The following CFI variants were observed in gnomAD, a reference collection of about 807,000 sequenced individuals.
The protein encoded by CFI is complement factor I, also known as C3B/C4B inactivator.
CFI carries 66 observed loss-of-function variants against 78.8 expected under a neutral mutation model. The observed-to-expected ratio is 0.84, with a 90% CI of 0.69 to 1.03. The LOEUF is 1.03. CFI is among the 50% of genes least tolerant of loss of function. The probability of loss-of-function intolerance (pLI) is 0.00; values close to 1 mark genes in which losing one functional copy is unlikely to be tolerated. For missense variants in CFI, 706 were observed against 704.5 expected (o/e 1.00, Z -0.02); for synonymous variants, 250 against 232.6 (o/e 1.07, Z -0.68).
In CFI at chr4:109,752,501, C is replaced by A; in HGVS notation, c.907G>T (p.Glu303Ter). The A allele has an allele frequency of 6.2e-7, 1 of 1,612,366 alleles. No individual in the cohort carries two copies. The highest frequency in any genetic ancestry group is 8.5e-7 in the Non-Finnish European group (1 of 1,178,836). The change falls in exon 8 of 13, where the codon GAA (glutamate) becomes TAA (stop). Residue 303 changes from glutamate to a stop codon, truncating the protein, a stop_gained and splice_region_variant. Transcript: ENST00000394634. LOFTEE classifies it high-confidence loss of function. ...CAGFASVTQE[E>*]TEILTADMDA... Reference sequence around the variant, plus strand: ...ATGTCAGCAGTCAAAATTTCTGTTTCTTCTATGATAAAACAAAAGATTCCA... The same window carrying A: ...ATGTCAGCAGTCAAAATTTCTGTTTATTCTATGATAAAACAAAAGATTCCA...
chr4:109,781,480 G>C (rs1254463590), intron 1 of CFI, among the ~76,000 whole-genome samples: 2 of 152,060 alleles, frequency 1.3e-5, no homozygotes, highest in Non-Finnish European at 2.9e-5. Context: ...ACCCTGAACA[G>C]ACCAATAACA....
In CFI at chr4:109,755,091, T is replaced by G. The variant is rs1007517598; in HGVS notation, c.905-2588A>C. ...ACCCTTGCAAATCAGTAAGAAAGAT[T>G]ACAATGAAAGAAATATAAAATTGAG... On this transcript the variant is annotated intron_variant, in intron 7 of 12. Coordinates refer to ENST00000394634, the MANE Select transcript of CFI (RefSeq NM_000204.5). 2.6e-5 allele frequency among the ~76,000 whole-genome samples: 4 copies of G among 152,052 alleles called. 1 individual carries two copies. The highest frequency in any genetic ancestry group is 9.7e-5 in the African/African-American group (4 of 41,408).
At chr4:109,799,663 T>G (rs570047485) in intron 1 of CFI, among the ~76,000 whole-genome samples, 4 of 152,364 alleles carry the variant, frequency 2.6e-5, no homozygotes, top group African/African-American at 9.6e-5. Context: ...TAGGATAATA[T>G]TCTGCATAGT....
intron 1 of CFI, 73 bp downstream of exon 1, chr4:109,801,842 A>G: frequency 1.0e-6 from 1 of 988,188 alleles, no homozygotes; most frequent in Non-Finnish European, 1.6e-6. Flanking sequence ...TATATATTTA[A>G]GATTATTTTC....
chr4:109,785,356 C>T (rs1458946602), intron 1 of CFI, among the ~76,000 whole-genome samples: 2 of 151,950 alleles, frequency 1.3e-5, no homozygotes, highest in Non-Finnish European at 2.9e-5. Flanking sequence ...GAGTAGTAGT[C>T]AAAATTGTTG....
Position 109,799,824 on chromosome 4 carries a change from A to C in CFI, c.57+2091T>G, listed in dbSNP as rs114456542. ...AATTTGTTGTTATTGTGTTAAGGCT[A>C]TTTTATGTACTCAGATATCCTTCAA... On this transcript the variant is annotated intron_variant, in intron 1 of 12. Transcript: ENST00000394634. Among the ~76,000 whole-genome samples the C allele has an allele frequency of 6.3e-3, 966 of 152,326 alleles. 10 individuals carry two copies. Among genetic ancestry groups the C allele is most frequent in the African/African-American group, 0.022 (898 of 41,582 alleles).
chr4:109,743,301 A>C (rs1034363029), intron 11 of CFI, among the ~76,000 whole-genome samples: 4 of 152,084 alleles, frequency 2.6e-5, no homozygotes, highest in African/African-American at 9.7e-5. Context: ...GTAATTTCTT[A>C]TTTCCTCTAA....
At chr4:109,732,787 G>A in the CFI span, among the ~76,000 whole-genome samples, 3 of 150,980 alleles carry the variant, frequency 2.0e-5, no homozygotes, top group African/African-American at 7.3e-5. Context: ...AACCCGGGAG[G>A]CAGAGCTTGC....
At chr4:109,788,537 T>C (rs980576124) in intron 1 of CFI, among the ~76,000 whole-genome samples, 1 of 152,112 alleles carries the variant, frequency 6.6e-6, no homozygotes, top group Non-Finnish European at 1.5e-5. Context: ...TTCTTGTTTT[T>C]TGTAGTAACT....
At chr4:109,733,838 C>T in the CFI span, among the ~76,000 whole-genome samples, 6 of 152,174 alleles carry the variant, frequency 3.9e-5, no homozygotes, top group East Asian at 1.2e-3. Flanking sequence ...AGGTTAGAAA[C>T]GCATTGGGAA....
At chr4:109,793,259 T>C (rs1731605692) in intron 1 of CFI, among the ~76,000 whole-genome samples, 1 of 152,226 alleles carries the variant, frequency 6.6e-6, no homozygotes, top group Non-Finnish European at 1.5e-5. Flanking sequence ...CTCCATCCAT[T>C]CCTTTATGTT....
chr4:109,761,559 A>C lies in CFI; in HGVS notation c.616T>G (p.Tyr206Asp), dbSNP rs371623439. The C allele has an allele frequency of 6.2e-7, 1 of 1,614,034 alleles. No homozygotes were observed. The highest frequency in any genetic ancestry group is 1.3e-5 in the African/African-American group (1 of 74,920). The change falls in exon 4 of 13, where the codon TAC (tyrosine) becomes GAC (aspartate). Residue 206 changes from tyrosine to aspartate, a missense_variant. Transcript: ENST00000394634. ...CTFTKRRTMG[Y>D]QDFADVVCYT... Reference sequence around the variant, plus strand: ...CAAACCACATCAGCGAAATCCTGGTAACCCATAGTTCTTCTCTTAGTAAAA... The same window carrying C: ...CAAACCACATCAGCGAAATCCTGGTCACCCATAGTTCTTCTCTTAGTAAAA...
At chr4:109,746,014 A>C (rs1399905158) in intron 11 of CFI, among the ~76,000 whole-genome samples, 1 of 152,248 alleles carries the variant, frequency 6.6e-6, no homozygotes, top group Admixed American at 6.5e-5. Flanking sequence ...CAACACAGCA[A>C]TAAATCAAGC....
downstream of CFI, among the ~76,000 whole-genome samples, chr4:109,738,546 A>G (rs1000316769): frequency 1.3e-5 from 2 of 152,210 alleles, no homozygotes; most frequent in Non-Finnish European, 2.9e-5. Context: ...CGCCATCAAG[A>G]GATGGGTTAT....
At chr4:109,780,504 C>A (rs987547004) in intron 1 of CFI, among the ~76,000 whole-genome samples, 1 of 152,114 alleles carries the variant, frequency 6.6e-6, no homozygotes, top group Non-Finnish European at 1.5e-5. Flanking sequence ...GCAACAGGTG[C>A]TGGAGAGGAT....
intron 1 of CFI, among the ~76,000 whole-genome samples, chr4:109,786,156 G>A (rs1730709159): frequency 6.6e-6 from 1 of 151,884 alleles, no homozygotes; most frequent in African/African-American, 2.4e-5. Flanking sequence ...TCAACCTCCT[G>A]TGTAGCTGGG....
chr4:109,783,834 T>TATATATATATA (rs57344652), intron 1 of CFI, among the ~76,000 whole-genome samples: 32 of 139,688 alleles, frequency 2.3e-4, no homozygotes, highest in Admixed American at 3.1e-4. Flanking sequence ...TATATATATA[T>TATATATATATA]GATGGAATAC....
chr4:109,765,539 A>G (rs969083852), intron 2 of CFI, among the ~76,000 whole-genome samples: 25 of 152,202 alleles, frequency 1.6e-4, no homozygotes, highest in Admixed American at 7.9e-4. Flanking sequence ...AGTGAGGTCC[A>G]GCTTGTCAAC....
intron 10 of CFI, among the ~76,000 whole-genome samples, chr4:109,748,547 T>A (rs984348731): frequency 2.6e-5 from 4 of 152,104 alleles, no homozygotes; most frequent in African/African-American, 9.7e-5. Flanking sequence ...TGAGCTGAGA[T>A]CTGAACAAAG....
Sources: allele counts gnomAD v4.1 joint callset (sites outside exome capture counted in the v4.1 genomes callset), GRCh38; gene constraint gnomAD v4.1.1; transcripts MANE v1.5; gene names NCBI Gene and HGNC (gene_info 2026-07-23, HGNC 2026-07-21).